CUL5: variants seen among roughly 807,000 people sequenced by gnomAD.
CUL5 encodes the protein cullin-5.
In CUL5, 26 loss-of-function variants were observed where a neutral mutation model predicts 108.8. The observed-to-expected ratio is 0.24, with a 90% CI of 0.18 to 0.33. The LOEUF is 0.33. Among genes scored for constraint, CUL5 ranks in the 10% least tolerant of loss-of-function variants. The pLI, the probability that CUL5 is intolerant of heterozygous loss-of-function variation, is 1.00. For missense variants in CUL5, 524 were observed against 909.2 expected (o/e 0.58, Z 5.45); for synonymous variants, 334 against 298.0 (o/e 1.12, Z -1.25).
At chr11:108,084,678 A>G (rs1311642682) in intron 11 of CUL5, among the ~76,000 whole-genome samples, 1 of 152,240 alleles carries the variant, frequency 6.6e-6, no homozygotes, top group Non-Finnish European at 1.5e-5. Flanking sequence ...AAGAAAAATC[A>G]TTTTAGAAGC....
At chr11:108,096,340 A>C (rs972208957) in intron 16 of CUL5, among the ~76,000 whole-genome samples, 3 of 150,978 alleles carry the variant, frequency 2.0e-5, no homozygotes, top group African/African-American at 7.3e-5. Flanking sequence ...AAAAAAAAAA[A>C]AAAAAACAAA....
intron 7 of CUL5, among the ~76,000 whole-genome samples, chr11:108,066,454 C>G (rs1188758495): frequency 6.6e-6 from 1 of 152,124 alleles, no homozygotes; most frequent in Non-Finnish European, 1.5e-5. Context: ...AGTCACTCTA[C>G]TCCAATAAGA....
At chr11:108,033,100 G>A (rs1463363425) in intron 1 of CUL5, among the ~76,000 whole-genome samples, 1 of 152,158 alleles carries the variant, frequency 6.6e-6, no homozygotes, top group Non-Finnish European at 1.5e-5. Context: ...AAAGGATTCA[G>A]ATAAAATCAG....
intron 1 of CUL5, among the ~76,000 whole-genome samples, chr11:108,019,303 G>T (rs966443353): frequency 9.2e-5 from 14 of 152,050 alleles, no homozygotes; most frequent in African/African-American, 3.4e-4. Flanking sequence ...ATTGGCAAAT[G>T]GGGTTTTAAA....
At chr11:108,044,051 A>T (rs1267097864) in intron 2 of CUL5, among the ~76,000 whole-genome samples, 1 of 152,234 alleles carries the variant, frequency 6.6e-6, no homozygotes, top group Non-Finnish European at 1.5e-5. Context: ...AGTATCTGGC[A>T]CATGATAAGC....
chr11:108,090,800 GA>G (rs1864334584), intron 13 of CUL5, among the ~76,000 whole-genome samples: 1 of 152,006 alleles, frequency 6.6e-6, no homozygotes, highest in African/African-American at 2.4e-5. Flanking sequence ...AAGCACACAC[GA>G]GAGAGACCTA....
At chr11:108,013,888 C>T (rs1438377191) in intron 1 of CUL5, among the ~76,000 whole-genome samples, 9 of 151,924 alleles carry the variant, frequency 5.9e-5, no homozygotes, top group Non-Finnish European at 1.3e-4. Flanking sequence ...GACCCTGTCT[C>T]TATAAAACAA....
At chr11:108,073,187 T>C (rs2135187589) in intron 9 of CUL5, among the ~76,000 whole-genome samples, 1 of 147,268 alleles carries the variant, frequency 6.8e-6, no homozygotes, top group South Asian at 2.1e-4. Flanking sequence ...GGGCGACAGA[T>C]CGAGACTCCG....
intron 18 of CUL5, among the ~76,000 whole-genome samples, chr11:108,103,986 CTT>C (rs891986425): frequency 6.6e-6 from 1 of 151,860 alleles, no homozygotes; most frequent in Non-Finnish European, 1.5e-5. Flanking sequence ...AGCAGATTCT[CTT>C]TTATGGGGCA....
At chr11:108,030,677 G>C (rs1285113809) in intron 1 of CUL5, among the ~76,000 whole-genome samples, 1 of 152,124 alleles carries the variant, frequency 6.6e-6, no homozygotes, top group East Asian at 1.9e-4. Flanking sequence ...GATAGAAGCA[G>C]GCATCTGGAG....
At chr11:108,034,525 C>T (rs1203550375) in intron 2 of CUL5, among the ~76,000 whole-genome samples, 1 of 152,178 alleles carries the variant, frequency 6.6e-6, no homozygotes, top group Non-Finnish European at 1.5e-5. Context: ...GGGATGCAGT[C>T]TCAGGGGTGC....
intron 18 of CUL5, among the ~76,000 whole-genome samples, chr11:108,100,151 A>T (rs184259114): frequency 1.5e-4 from 23 of 150,826 alleles, no homozygotes; most frequent in Admixed American, 3.9e-4. Context: ...TTAAAAAAAT[A>T]AAAAAAAGGT....
At chr11:108,084,605 T>C (rs1864179007) in intron 11 of CUL5, among the ~76,000 whole-genome samples, 1 of 152,248 alleles carries the variant, frequency 6.6e-6, no homozygotes, top group South Asian at 2.1e-4. Context: ...ATATATACAG[T>C]GTCCAGTATT....
At position 108,089,599 on chromosome 11, in the gene CUL5, A is replaced by G. The variant is rs1249863261; in HGVS notation, c.1419A>G (p.Glu473=). The change falls in exon 13 of 19, where the codon GAA becomes GAG. Residue 473 remains glutamate, a synonymous_variant. Transcript: ENST00000393094. ...ACATCTCTGCCGATAGTGAAATTGA[A>G]GAAAACATGGTAGAGTGGCTAAGAG... ...ILDISADSEI[E]ENMVEWLREV... is the part of the protein sequence containing the mutation. The G allele has an allele frequency of 2.6e-6, 4 of 1,545,862 alleles. No homozygotes were observed. Among genetic ancestry groups the G allele is most frequent in the Non-Finnish European group, 3.5e-6 (4 of 1,156,182 alleles).
chr11:108,086,406 G>T (rs944887964), intron 11 of CUL5, among the ~76,000 whole-genome samples: 7 of 152,138 alleles, frequency 4.6e-5, no homozygotes, highest in Non-Finnish European at 1.0e-4. Context: ...CCTGAGCAAT[G>T]TATCTAGATG....
At chr11:108,035,905 A>C (rs1862729622) in intron 2 of CUL5, among the ~76,000 whole-genome samples, 1 of 152,186 alleles carries the variant, frequency 6.6e-6, no homozygotes, top group Non-Finnish European at 1.5e-5. Flanking sequence ...CTGTGATTTC[A>C]GGATTCCAAA....
At chr11:108,094,292 T>C (rs1401870243) in intron 13 of CUL5, 99 bp from the exon 14 acceptor site, 1 of 896,446 alleles carries the variant, frequency 1.1e-6, no homozygotes, top group Non-Finnish European at 1.7e-6. Context: ...AAATTTTGTA[T>C]TAAAACATTT....
intron 18 of CUL5, among the ~76,000 whole-genome samples, chr11:108,101,730 G>A (rs904954565): frequency 3.9e-5 from 6 of 152,140 alleles, no homozygotes; most frequent in African/African-American, 1.2e-4. Flanking sequence ...ATATCAAATG[G>A]GGACCAGGGC....
intron 7 of CUL5, among the ~76,000 whole-genome samples, chr11:108,056,365 C>G (rs921609538): frequency 6.6e-5 from 10 of 151,970 alleles, no homozygotes; most frequent in African/African-American, 2.4e-4. Flanking sequence ...TTTGACTTTT[C>G]TTTGGCTTTG....
Sources: gnomAD v4.1 joint callset for allele counts (sites outside exome capture counted in the v4.1 genomes callset) on GRCh38, gnomAD v4.1.1 for gene constraint, MANE v1.5 for transcripts, NCBI Gene and HGNC (gene_info 2026-07-23, HGNC 2026-07-21) for gene names.